The following ZRANB3 variants were observed in gnomAD, a reference collection of about 807,000 sequenced individuals.
ZRANB3 encodes zinc finger RANBP2-type containing 3, also known as DNA annealing helicase and endonuclease ZRANB3.
Under a neutral mutation model 133.8 loss-of-function variants are expected in ZRANB3, and 125 were observed. That is an observed-to-expected ratio of 0.93 (90% CI 0.81 to 1.08). The LOEUF (loss-of-function observed/expected upper bound fraction) is 1.08. Ranked by LOEUF, ZRANB3 falls within the 50% of genes least tolerant of loss-of-function variation. ZRANB3 has a pLI of 0.00. For missense variants in ZRANB3, 1,229 were observed against 1,275.5 expected (o/e 0.96, Z 0.56); for synonymous variants, 387 against 432.7 (o/e 0.89, Z 1.31).
In ZRANB3 at chr2:135,287,067, G is replaced by T. The variant is rs376904809; in HGVS notation, c.967-11312C>A. On this transcript the variant is annotated intron_variant, in intron 8 of 20. Coordinates refer to ENST00000264159, the MANE Select transcript of ZRANB3 (RefSeq NM_032143.4). ...TTATGGTTTTAGGTCAGATTTAAGTGTTTGATCCATCTTGAGTTGATTTAT... is the reference window on the plus strand; with the variant it reads ...TTATGGTTTTAGGTCAGATTTAAGTTTTTGATCCATCTTGAGTTGATTTAT... Among the ~76,000 whole-genome samples the T allele has an allele frequency of 3.3e-5, 5 of 152,256 alleles. No homozygotes were observed. The East Asian group carries it at 9.6e-4, about 29-fold the overall frequency.
intron 5 of ZRANB3, among the ~76,000 whole-genome samples, chr2:135,348,896 C>T (rs530448895): frequency 6.6e-6 from 1 of 152,174 alleles, no homozygotes; most frequent in Non-Finnish European, 1.5e-5. Flanking sequence ...GTCCAGCCGA[C>T]TCTCTGGACT....
At chr2:135,336,988 GT>G (rs1206176920) in intron 6 of ZRANB3, among the ~76,000 whole-genome samples, 2 of 152,048 alleles carry the variant, frequency 1.3e-5, no homozygotes. Flanking sequence ...AGGAACCATG[GT>G]TTTTGGCTAT....
At chr2:135,452,778 G>A (rs982141162) in intron 2 of ZRANB3, among the ~76,000 whole-genome samples, 3 of 152,192 alleles carry the variant, frequency 2.0e-5, no homozygotes, top group Non-Finnish European at 4.4e-5. Context: ...TTGCAGGGTA[G>A]AGCCTCCCTC....
intron 6 of ZRANB3, among the ~76,000 whole-genome samples, chr2:135,321,383 T>C (rs1229209522): frequency 6.6e-6 from 1 of 152,238 alleles, no homozygotes; most frequent in Non-Finnish European, 1.5e-5. Flanking sequence ...TGTGCTTATT[T>C]GACTTCTGTA....
intron 12 of ZRANB3, among the ~76,000 whole-genome samples, chr2:135,244,520 A>G (rs1695701007): frequency 6.6e-6 from 1 of 152,152 alleles, no homozygotes. Flanking sequence ...ACGCACGAGA[A>G]TCACTTGAAC....
chr2:135,222,306 GCAGGAGAAT>G (rs935249226), intron 15 of ZRANB3, among the ~76,000 whole-genome samples: 3 of 151,646 alleles, frequency 2.0e-5, no homozygotes, highest in African/African-American at 7.3e-5. Context: ...GGAGGCTGAG[GCAGGAGAAT>G]CACTTGAACC....
At chr2:135,525,400 TCA>T (rs1694108931) in intron 1 of ZRANB3, among the ~76,000 whole-genome samples, 2 of 152,162 alleles carry the variant, frequency 1.3e-5, no homozygotes, top group Admixed American at 6.5e-5. Flanking sequence ...AACTTAGAAA[TCA>T]CAGAGTATTT....
chr2:135,342,500 G>T (rs1162658803), intron 6 of ZRANB3, among the ~76,000 whole-genome samples: 1 of 149,610 alleles, frequency 6.7e-6, no homozygotes, highest in African/African-American at 2.6e-5. Flanking sequence ...AATAGAGATG[G>T]GGTCTTACTA....
At chr2:135,431,248 C>T (rs1234557102) in intron 2 of ZRANB3, among the ~76,000 whole-genome samples, 1 of 151,568 alleles carries the variant, frequency 6.6e-6, no homozygotes, top group Non-Finnish European at 1.5e-5. Context: ...TCCATGATCG[C>T]ACCACTGCAT....
chr2:135,416,308 C>T (rs1001446993), intron 2 of ZRANB3, among the ~76,000 whole-genome samples: 1 of 152,106 alleles, frequency 6.6e-6, no homozygotes, highest in East Asian at 1.9e-4. Context: ...TTCTTATACA[C>T]CATCAACAGA....
Position 135,270,413 on chromosome 2 carries a change from G to A in ZRANB3, c.1207-1272C>T, listed in dbSNP as rs112412912. On this transcript the variant is annotated intron_variant, in intron 10 of 20. Coordinates refer to ENST00000264159, the MANE Select transcript of ZRANB3 (RefSeq NM_032143.4). ...TTCCTATGGAGATATCAGTCCTCAA[G>A]TATATGAGTCTTGATTTATATAAGG... 3.0e-3 allele frequency among the ~76,000 whole-genome samples: 451 copies of A among 152,214 alleles called. 3 individuals carry two copies. The highest frequency in any genetic ancestry group is 0.01 in the African/African-American group (420 of 41,546).
intron 12 of ZRANB3, among the ~76,000 whole-genome samples, chr2:135,236,576 G>A (rs1417836874): frequency 5.9e-5 from 9 of 152,170 alleles, no homozygotes; most frequent in Non-Finnish European, 1.3e-4. Flanking sequence ...GCATGGTACT[G>A]GTACCAAAAC....
chr2:135,510,911 A>C (rs1321614845), intron 1 of ZRANB3: 5 of 1,200,114 alleles, frequency 4.2e-6, no homozygotes, highest in Non-Finnish European at 5.0e-6. Flanking sequence ...GCAGGTTGCC[A>C]ATGAAGAGTT....
intron 2 of ZRANB3, among the ~76,000 whole-genome samples, chr2:135,408,438 C>G (rs1434013846): frequency 2.0e-5 from 3 of 149,452 alleles, no homozygotes; most frequent in Non-Finnish European, 2.9e-5. Context: ...GGATCTACAA[C>G]TAGAAATAAC....
chr2:135,310,400 T>C (rs1432153847), intron 8 of ZRANB3, among the ~76,000 whole-genome samples: 2 of 152,186 alleles, frequency 1.3e-5, no homozygotes, highest in Non-Finnish European at 2.9e-5. Flanking sequence ...AATAGTCTTC[T>C]GTGTTTTGAT....
chr2:135,437,238 G>A (rs975522649), intron 2 of ZRANB3, among the ~76,000 whole-genome samples: 9 of 152,152 alleles, frequency 5.9e-5, no homozygotes, highest in African/African-American at 9.7e-5. Context: ...GATTACAGGC[G>A]TGAGCCACCG....
chr2:135,291,608 A>G (rs1681738801), intron 8 of ZRANB3, among the ~76,000 whole-genome samples: 1 of 150,882 alleles, frequency 6.6e-6, no homozygotes, highest in Non-Finnish European at 1.5e-5. Context: ...TTTTATTATT[A>G]TTATACTTTA....
intron 3 of ZRANB3, among the ~76,000 whole-genome samples, chr2:135,356,986 A>G (rs1685468903): frequency 1.3e-5 from 2 of 152,130 alleles, no homozygotes; most frequent in Non-Finnish European, 1.5e-5. Flanking sequence ...GCCCGGCCTA[A>G]TAGATTACAT....
At chr2:135,406,738 A>G (rs1475560426) in intron 2 of ZRANB3, among the ~76,000 whole-genome samples, 1 of 152,206 alleles carries the variant, frequency 6.6e-6, no homozygotes, top group African/African-American at 2.4e-5. Context: ...TTATCTCAAT[A>G]GATGCAGAAA....
Sources: allele counts gnomAD v4.1 joint callset (sites outside exome capture counted in the v4.1 genomes callset), GRCh38; gene constraint gnomAD v4.1.1; transcripts MANE v1.5; gene names NCBI Gene and HGNC (gene_info 2026-07-23, HGNC 2026-07-21).